Variants in PTPRD observed in about 807,000 individuals in gnomAD.
PTPRD encodes the protein protein tyrosine phosphatase receptor type D.
A neutral mutation model predicts 214.5 loss-of-function variants in PTPRD; 34 were observed. The ratio of observed to expected loss-of-function variants is 0.16; its 90% CI spans 0.12 to 0.21. The LOEUF is 0.21. Ranked by LOEUF, PTPRD falls within the 10% of genes least tolerant of loss-of-function variation. PTPRD has a pLI of 1.00. For synonymous variants in PTPRD, 1,128 were observed against 845.7 expected, an observed-to-expected ratio of 1.33 and a Z score of -5.79; for missense variants, 2,545 against 2,398.7, an observed-to-expected ratio of 1.06 and a Z score of -1.27.
At chr9:10,576,590 G>A (rs763769100) in intron 2 of PTPRD, among the ~76,000 whole-genome samples, 10 of 152,158 alleles carry the variant, frequency 6.6e-5, no homozygotes, top group African/African-American at 2.4e-4. Context: ...TTTGATAAAG[G>A]TTGACTGATT....
intron 3 of PTPRD, among the ~76,000 whole-genome samples, chr9:10,224,694 C>T (rs536585018): frequency 6.6e-6 from 1 of 151,892 alleles, no homozygotes; most frequent in Non-Finnish European, 1.5e-5. Context: ...ATGCGCTGGT[C>T]CACTGACACA....
intron 39 of PTPRD, among the ~76,000 whole-genome samples, chr9:8,371,179 G>C (rs1282327386): frequency 6.6e-6 from 1 of 151,812 alleles, no homozygotes; most frequent in Non-Finnish European, 1.5e-5. Flanking sequence ...TAAGGCAAAG[G>C]CAATTTAAAA....
intron 10 of PTPRD, among the ~76,000 whole-genome samples, chr9:9,027,218 A>G (rs79711689): frequency 0.038 from 5,707 of 151,860 alleles, 115 homozygotes; most frequent in East Asian, 0.078. Flanking sequence ...CGATAAACCA[A>G]GAAAGAATTT....
At chr9:9,643,112 C>T (rs1278394943) in intron 7 of PTPRD, among the ~76,000 whole-genome samples, 1 of 152,120 alleles carries the variant, frequency 6.6e-6, no homozygotes, top group African/African-American at 2.4e-5. Flanking sequence ...ATTATGAATG[C>T]AGCTAAGAAA....
At chr9:9,974,285 A>G (rs2095268920) in intron 4 of PTPRD, among the ~76,000 whole-genome samples, 1 of 152,124 alleles carries the variant, frequency 6.6e-6, no homozygotes, top group Non-Finnish European at 1.5e-5. Flanking sequence ...AGGTAAATAC[A>G]TTTATTTTTC....
chr9:9,276,994 C>T (rs1360486816), intron 9 of PTPRD, among the ~76,000 whole-genome samples: 2 of 151,142 alleles, frequency 1.3e-5, no homozygotes, highest in African/African-American at 4.8e-5. Context: ...AGCTTCTTAC[C>T]AAATCCAAGA....
intron 2 of PTPRD, among the ~76,000 whole-genome samples, chr9:10,458,498 C>G (rs772782602): frequency 4.6e-5 from 7 of 152,154 alleles, no homozygotes; most frequent in Non-Finnish European, 7.4e-5. Context: ...AACGTTCTTT[C>G]TTGACAAAGC....
chr9:9,123,283 T>C (rs1189072745), intron 10 of PTPRD, among the ~76,000 whole-genome samples: 1 of 152,222 alleles, frequency 6.6e-6, no homozygotes, highest in East Asian at 1.9e-4. Flanking sequence ...ACCCAGGTGT[T>C]GGAGCTAGGA....
At chr9:9,738,617 T>G (rs2098343359) in intron 6 of PTPRD, among the ~76,000 whole-genome samples, 1 of 151,806 alleles carries the variant, frequency 6.6e-6, no homozygotes, top group Non-Finnish European at 1.5e-5. Context: ...AATTTTTGTA[T>G]TTTTAGTAGA....
At chr9:8,493,126 G>T in intron 26 of PTPRD, 147 bp from the exon 27 acceptor site, 1 of 651,562 alleles carries the variant, frequency 1.5e-6, no homozygotes, top group Non-Finnish European at 2.7e-6. Context: ...CTGAGCTCAT[G>T]CTATGGAGAT....
chr9:8,994,952 G>A (rs1451687212), intron 11 of PTPRD, among the ~76,000 whole-genome samples: 2 of 151,984 alleles, frequency 1.3e-5, no homozygotes, highest in East Asian at 3.9e-4. Context: ...GGCAGTGATT[G>A]GTGTAATTTT....
intron 43 of PTPRD, among the ~76,000 whole-genome samples, chr9:8,335,074 G>C (rs1845261187): frequency 6.6e-6 from 1 of 152,134 alleles, no homozygotes; most frequent in Admixed American, 6.6e-5. Flanking sequence ...GAGGTACAAA[G>C]AGGAGTTGGT....
intron 3 of PTPRD, among the ~76,000 whole-genome samples, chr9:10,227,747 T>C (rs1288531255): frequency 6.6e-6 from 1 of 152,022 alleles, no homozygotes; most frequent in Non-Finnish European, 1.5e-5. Context: ...ATCATCTGTG[T>C]TTATCAGTGT....
chr9:9,644,310 C>T (rs2096071382), intron 7 of PTPRD, among the ~76,000 whole-genome samples: 1 of 152,162 alleles, frequency 6.6e-6, no homozygotes, highest in South Asian at 2.1e-4. Flanking sequence ...ATCAGAACAG[C>T]AAGGCTTTTG....
chr9:9,627,261 T>A (rs747949356), intron 7 of PTPRD, among the ~76,000 whole-genome samples: 3 of 152,152 alleles, frequency 2.0e-5, no homozygotes, highest in Non-Finnish European at 4.4e-5. Context: ...GAGCCGAGAT[T>A]GGGCCACTTC....
In PTPRD at chr9:10,215,963, G is replaced by C. The variant is rs181166980; in HGVS notation, c.-545+125000C>G. ...GGACAGACCTTCACACCACGTTTTA[G>C]GCCTGAATATCAATAGTGGCAAGAC... On this transcript the variant is annotated intron_variant, in intron 3 of 45. Transcript: ENST00000381196. Among the ~76,000 whole-genome samples the C allele has an allele frequency of 7.0e-4, 106 of 152,002 alleles. 1 individual carries two copies. Among genetic ancestry groups the C allele is most frequent in the African/African-American group, 2.3e-3 (95 of 41,494 alleles).
In PTPRD at chr9:9,730,475, A is replaced by G. The variant is rs548836842; in HGVS notation, c.-287+4058T>C. Among the ~76,000 whole-genome samples the G allele has an allele frequency of 1.4e-3, 206 of 152,232 alleles. 1 individual carries two copies. The highest frequency in any genetic ancestry group is 4.6e-3 in the African/African-American group (191 of 41,566). On this transcript the variant is annotated intron_variant, in intron 7 of 45. Coordinates refer to ENST00000381196, the MANE Select transcript of PTPRD (RefSeq NM_002839.4). ...ATACACAGATCCAAAATTGGGGCGT[A>G]GGCTGTGGCAATTTATTTCCCCTTG...
intron 3 of PTPRD, among the ~76,000 whole-genome samples, chr9:10,176,535 C>G (rs553288279): frequency 1.1e-4 from 17 of 151,920 alleles, no homozygotes; most frequent in African/African-American, 4.1e-4. Context: ...AGAGATAAAT[C>G]CTAAATCTCA....
chr9:9,418,026 C>T (rs540551168), intron 8 of PTPRD, among the ~76,000 whole-genome samples: 2 of 152,140 alleles, frequency 1.3e-5, no homozygotes, highest in South Asian at 2.1e-4. Flanking sequence ...TCTAAAAATT[C>T]GTTTTCTCTA....
Sources: allele counts gnomAD v4.1 joint callset (sites outside exome capture counted in the v4.1 genomes callset), GRCh38; gene constraint gnomAD v4.1.1; transcripts MANE v1.5; gene names NCBI Gene and HGNC (gene_info 2026-07-23, HGNC 2026-07-21).